TLE4: variants seen among roughly 807,000 people sequenced by gnomAD.
The protein encoded by TLE4 is TLE family member 4, transcriptional corepressor.
In TLE4, 8 loss-of-function variants were observed where a neutral mutation model predicts 92.8. The observed-to-expected ratio is 0.09, with a 90% CI of 0.05 to 0.16. The LOEUF (loss-of-function observed/expected upper bound fraction) is 0.16. Ranked by LOEUF, TLE4 falls within the 10% of genes least tolerant of loss-of-function variation. TLE4 has a pLI of 1.00. For synonymous variants in TLE4, 371 were observed against 374.1 expected (o/e 0.99, Z 0.10); for missense variants, 675 against 997.6 (o/e 0.68, Z 4.36).
At chr9:79,611,651 T>A (rs2048383346) in intron 4 of TLE4, among the ~76,000 whole-genome samples, 1 of 151,982 alleles carries the variant, frequency 6.6e-6, no homozygotes. Flanking sequence ...TCTTCTTAGC[T>A]CTCTTTCCTC....
chr9:79,704,717 C>G, intron 8 of TLE4, 66 bp from the exon 9 acceptor site: 1 of 1,563,656 alleles, frequency 6.4e-7, no homozygotes, highest in Non-Finnish European at 8.6e-7. Context: ...TCTCAAGTGA[C>G]TTAAAAATCA....
At chr9:79,658,535 G>A (rs1001619779) in intron 8 of TLE4, among the ~76,000 whole-genome samples, 2 of 152,030 alleles carry the variant, frequency 1.3e-5, no homozygotes, top group African/African-American at 4.8e-5. Flanking sequence ...TTATTATGTT[G>A]ACAATAAAGG....
At chr9:79,668,071 C>T (rs1043324327) in intron 8 of TLE4, among the ~76,000 whole-genome samples, 1 of 152,240 alleles carries the variant, frequency 6.6e-6, no homozygotes, top group Non-Finnish European at 1.5e-5. Flanking sequence ...TTTGCCCAAG[C>T]AACAAAGGAG....
intron 16 of TLE4, among the ~76,000 whole-genome samples, chr9:79,720,863 T>C (rs1350203556): frequency 6.6e-6 from 1 of 152,160 alleles, no homozygotes; most frequent in East Asian, 1.9e-4. Flanking sequence ...TTATCTGTTG[T>C]CCCACCTTTG....
intron 5 of TLE4, among the ~76,000 whole-genome samples, chr9:79,615,253 G>GA (rs2049268671): frequency 6.6e-6 from 1 of 152,088 alleles, no homozygotes; most frequent in Non-Finnish European, 1.5e-5. Context: ...CAGAGGCATG[G>GA]AAAATCACTC....
chr9:79,573,420 G>T, intron 1 of TLE4: 2 of 1,194,892 alleles, frequency 1.7e-6, no homozygotes, highest in Non-Finnish European at 2.1e-6. Flanking sequence ...CCTGTCTTTG[G>T]CCGGGGAGGG....
intron 4 of TLE4, chr9:79,601,473 A>C (rs1412726666): frequency 2.2e-6 from 1 of 455,280 alleles, no homozygotes; most frequent in South Asian, 1.6e-5. Flanking sequence ...TTCTTCCAAT[A>C]GCCTGTGCTC....
chr9:79,701,847 T>C (rs886725952), intron 8 of TLE4, among the ~76,000 whole-genome samples: 2 of 152,200 alleles, frequency 1.3e-5, no homozygotes, highest in African/African-American at 2.4e-5. Context: ...CTCATGATGC[T>C]AGGTGCCCCA....
intron 4 of TLE4, among the ~76,000 whole-genome samples, chr9:79,601,783 G>A (rs1461057700): frequency 6.6e-6 from 1 of 152,158 alleles, no homozygotes; most frequent in Non-Finnish European, 1.5e-5. Flanking sequence ...GTGTACAAAT[G>A]AGAGGAAGAG....
At chr9:79,595,016 T>C (rs1156701242) in intron 4 of TLE4, among the ~76,000 whole-genome samples, 5 of 152,212 alleles carry the variant, frequency 3.3e-5, no homozygotes, top group Admixed American at 1.3e-4. Flanking sequence ...CAGCTCAATC[T>C]CACATTGGCA....
intron 8 of TLE4, among the ~76,000 whole-genome samples, chr9:79,704,186 T>G (rs2070831093): frequency 6.6e-6 from 1 of 152,156 alleles, no homozygotes; most frequent in African/African-American, 2.4e-5. Flanking sequence ...CCATCTTGGC[T>G]CACTGCAGCA....
At chr9:79,619,472 T>C (rs897710045) in intron 5 of TLE4, among the ~76,000 whole-genome samples, 13 of 152,228 alleles carry the variant, frequency 8.5e-5, no homozygotes, top group African/African-American at 2.9e-4. Flanking sequence ...TTATATGCAC[T>C]GGTGGAAGTG....
Position 79,660,547 on chromosome 9 carries a change from CT to C in TLE4, c.609+6477del, listed in dbSNP as rs1244205568. On this transcript the variant is annotated intron_variant, in intron 8 of 19. Coordinates refer to ENST00000376552, the MANE Select transcript of TLE4 (RefSeq NM_007005.6). ...ATTAAGTGTTTTAGCATTGCTATTG[CT>C]TTTTAATTATTTGTTTACAAGACTT... Among the ~76,000 whole-genome samples the C allele has an allele frequency of 4.3e-4, 66 of 152,212 alleles. No homozygotes were observed. In the East Asian group the frequency reaches 0.011, roughly 24 times the overall value.
intron 5 of TLE4, among the ~76,000 whole-genome samples, chr9:79,616,757 C>T (rs1372868090): frequency 6.6e-6 from 1 of 152,118 alleles, no homozygotes; most frequent in African/African-American, 2.4e-5. Context: ...CCTCCATCCC[C>T]CAATTCCAGG....
chr9:79,584,091 G>A (rs751826165), intron 4 of TLE4, among the ~76,000 whole-genome samples: 3 of 152,216 alleles, frequency 2.0e-5, no homozygotes, highest in African/African-American at 7.2e-5. Flanking sequence ...TGCATAGTGA[G>A]AGTCACTGGC....
chr9:79,649,167 AGT>A (rs752483859), intron 6 of TLE4, among the ~76,000 whole-genome samples: 6 of 151,868 alleles, frequency 4.0e-5, no homozygotes, highest in Non-Finnish European at 7.4e-5. Flanking sequence ...CTAAGGAGTA[AGT>A]GTGTGTGTGT....
chr9:79,687,425 T>C (rs1361805377), intron 8 of TLE4, among the ~76,000 whole-genome samples: 1 of 152,244 alleles, frequency 6.6e-6, no homozygotes. Flanking sequence ...AGTGGAGACC[T>C]CAGAGCTTTT....
rs555126832 is a variant in TLE4, at chr9:79,604,996, G to A, written c.253-7660G>A. On this transcript the variant is annotated intron_variant, in intron 4 of 19. Transcript: ENST00000376552. ...ATTTATGTCAGTAGGAAAGAGGAAG[G>A]TGTGTGAGAGAGAGAAGGAGGAGGA... 2.6e-5 allele frequency among the ~76,000 whole-genome samples: 4 copies of A among 152,200 alleles called. No homozygotes were observed. In the South Asian group the frequency reaches 8.3e-4, roughly 32 times the overall value.
intron 8 of TLE4, among the ~76,000 whole-genome samples, chr9:79,680,505 A>G (rs536666984): frequency 6.6e-6 from 1 of 152,294 alleles, no homozygotes; most frequent in Non-Finnish European, 1.5e-5. Context: ...GAAGTTGCTT[A>G]TCAGCTTAAG....
Sources: allele counts gnomAD v4.1 joint callset (sites outside exome capture counted in the v4.1 genomes callset), GRCh38; gene constraint gnomAD v4.1.1; transcripts MANE v1.5; gene names NCBI Gene and HGNC (gene_info 2026-07-23, HGNC 2026-07-21).